The following CEP295 variants were observed in gnomAD, a reference collection of about 807,000 sequenced individuals.
CEP295 encodes the protein centrosomal protein of 295 kDa.
Under a neutral mutation model 291.6 loss-of-function variants are expected in CEP295, and 190 were observed. The ratio of observed to expected loss-of-function variants is 0.65; its 90% CI spans 0.58 to 0.73. CEP295 has a LOEUF of 0.73. CEP295 is among the 30% of genes least tolerant of loss of function. The pLI is 0.00. For missense variants in CEP295, 2,863 were observed against 2,949.4 expected (o/e 0.97, Z 0.68); for synonymous variants, 993 against 1,038.8 (o/e 0.96, Z 0.85).
intron 17 of CEP295, among the ~76,000 whole-genome samples, chr11:93,706,518 A>T (rs1009843702): frequency 2.0e-5 from 3 of 152,184 alleles, no homozygotes; most frequent in Non-Finnish European, 4.4e-5. Context: ...CTTTGTGATT[A>T]GTCAATACTG....
Position 93,697,340 on chromosome 11 carries a change from C to A in CEP295, c.2428C>A (p.Pro810Thr), listed in dbSNP as rs1951893740. ...AGTTGAGTCAGGAAAAATTCAAGAA[C>A]CCTTTTCAGCCATGAGCAAAAGTAC... ...VKVESGKIQE[P>T]FSAMSKSTVS... The change falls in exon 15 of 30, where the codon CCC becomes ACC. Residue 810 changes from proline to threonine, a missense_variant. Around this residue, in one of 3 missense-constraint regions of CEP295, gnomAD observed 2,295 missense variants for 2,335.7 expected, o/e 0.98. Transcript: ENST00000325212. 2 of 1,551,686 alleles carry A rather than the reference C, an allele frequency of 1.3e-6. No homozygotes were observed. The highest frequency in any genetic ancestry group is 1.7e-6 in the Non-Finnish European group (2 of 1,147,024).
At chr11:93,724,663 A>G (rs1335754287) in intron 22 of CEP295, among the ~76,000 whole-genome samples, 1 of 152,130 alleles carries the variant, frequency 6.6e-6, no homozygotes, top group African/African-American at 2.4e-5. Context: ...GCTACTCGGG[A>G]GGCTGAGGTG....
intron 18 of CEP295, chr11:93,719,747 AC>A (rs1953558578): frequency 6.6e-6 from 1 of 152,234 alleles, no homozygotes; most frequent in Non-Finnish European, 1.5e-5. Flanking sequence ...AATAATTGTT[AC>A]ATAAACATTT....
intron 4 of CEP295, among the ~76,000 whole-genome samples, chr11:93,669,168 A>C (rs571627110): frequency 6.6e-6 from 1 of 152,084 alleles, no homozygotes; most frequent in Admixed American, 6.5e-5. Flanking sequence ...AGCAGTTACT[A>C]AGTTTCTGAA....
rs552441392 is a variant in CEP295, at chr11:93,699,231, A to T, written c.4319A>T (p.Asp1440Val). 4.5e-6 allele frequency: 7 copies of T among 1,551,894 alleles called. No homozygotes were observed. In the African/African-American group the frequency reaches 9.6e-5, roughly 21 times the overall value. ...CACTCAGAGATACCAACATTGCCTG[A>T]TGGGCTGTTGGGTTTATCACATCTT... ...SGHSEIPTLPDGLLGLSHLVL... is the reference protein window; with the variant it reads ...SGHSEIPTLPVGLLGLSHLVL... The change falls in exon 15 of 30, where the codon GAT becomes GTT. Residue 1440 changes from aspartate (D) to valine (V), a missense_variant. Around this residue, in one of 3 missense-constraint regions of CEP295, gnomAD observed 2,295 missense variants for 2,335.7 expected, o/e 0.98. Transcript: ENST00000325212.
At chr11:93,679,648 GT>G in intron 7 of CEP295, 96 bp downstream of exon 7, 1 of 1,053,948 alleles carries the variant, frequency 9.5e-7, no homozygotes, top group Non-Finnish European at 1.3e-6. Flanking sequence ...GGTAGGAAGG[GT>G]GGGTGTTCAA....
intron 1 of CEP295, among the ~76,000 whole-genome samples, chr11:93,664,406 A>G (rs915094161): frequency 1.3e-5 from 2 of 152,364 alleles, no homozygotes; most frequent in African/African-American, 4.8e-5. Flanking sequence ...CTTTAACCCA[A>G]GAGGCCTTGT....
At chr11:93,693,509 A>G (rs544503671) in intron 12 of CEP295, among the ~76,000 whole-genome samples, 1 of 152,258 alleles carries the variant, frequency 6.6e-6, no homozygotes, top group Non-Finnish European at 1.5e-5. Flanking sequence ...TCATCCCAGT[A>G]CTTTGGGAGG....
At chr11:93,688,710 C>T (rs758545066) in intron 10 of CEP295, among the ~76,000 whole-genome samples, 5 of 152,140 alleles carry the variant, frequency 3.3e-5, no homozygotes, top group Admixed American at 6.5e-5. Flanking sequence ...TATCAAAACT[C>T]CCTAGTTGAT....
intron 24 of CEP295, 117 bp downstream of exon 24, chr11:93,727,754 C>A: frequency 1.2e-6 from 1 of 822,882 alleles, no homozygotes; most frequent in Non-Finnish European, 1.9e-6. Context: ...ACTCAAACTC[C>A]TAGGATCAAG....
intron 18 of CEP295, 44 bp from the exon 19 acceptor site, chr11:93,721,268 A>G (rs751860888): frequency 1.8e-5 from 20 of 1,089,596 alleles, no homozygotes; most frequent in Non-Finnish European, 2.6e-5. Flanking sequence ...TCTTATCCCA[A>G]CTATATTTTT....
chr11:93,721,521 A>T, intron 19 of CEP295, 109 bp downstream of exon 19: 1 of 824,616 alleles, frequency 1.2e-6, no homozygotes. Flanking sequence ...GTGCTTTCTG[A>T]GATCTGCTTT....
Position 93,699,988 on chromosome 11 carries a change from T to C in CEP295, c.5076T>C (p.Asp1692=). ...PSNPVIPGFQ[D]RLLSFSQSVL... ...ATCCTGTGATCCCAGGGTTTCAAGATAGACTTTTGAGTTTTTCACAGTCTG... is the reference window on the plus strand; with the variant it reads ...ATCCTGTGATCCCAGGGTTTCAAGACAGACTTTTGAGTTTTTCACAGTCTG... The change falls in exon 15 of 30, where the codon GAT becomes GAC. Residue 1692 remains aspartate (D), a synonymous_variant. Coordinates refer to ENST00000325212, the MANE Select transcript of CEP295 (RefSeq NM_033395.2). 3 of 1,551,718 alleles carry C rather than the reference T, an allele frequency of 1.9e-6. No homozygotes were observed. The highest frequency in any genetic ancestry group is 2.4e-5 in the East Asian group (1 of 40,902).
chr11:93,707,070 A>C (rs1207211772), intron 18 of CEP295, among the ~76,000 whole-genome samples, 173 bp downstream of exon 18: 1 of 148,828 alleles, frequency 6.7e-6, no homozygotes, highest in Admixed American at 6.7e-5. Flanking sequence ...TAAATGAGTA[A>C]TTTTGCTTTT....
intron 7 of CEP295, 91 bp downstream of exon 7, chr11:93,679,643 G>A (rs2134917304): frequency 9.1e-7 from 1 of 1,096,216 alleles, no homozygotes; most frequent in East Asian, 2.8e-5. Flanking sequence ...AGAAAGGTAG[G>A]AAGGGTGGGT....
rs1270512413 is a variant in CEP295 at position 93,724,357 on chromosome 11, C to A, written c.6300C>A (p.Asp2100Glu). Residue 2100 changes from aspartate to glutamate, a missense_variant, in exon 22 of 30, where the codon GAC becomes GAA. Physicochemically the swap from Asp to Glu is conservative, Grantham distance 45. This residue lies in a region of CEP295 where 2,295 missense variants were observed against 2,335.7 expected (regional missense o/e 0.98). Transcript: ENST00000325212. ...CATCATCCTCTGGGATTTCTCCAGA[C>A]AACAGAGACTTTTACCAGGTATATT... The part of the protein sequence containing the change: ...LSSSSSGISP[D>E]NRDFYQRSDS... 2.6e-6 allele frequency: 4 copies of A among 1,549,986 alleles called. No individual in the cohort carries two copies. In the South Asian group the frequency reaches 3.6e-5, roughly 14 times the overall value.
Position 93,699,827 on chromosome 11 carries a change from G to C in CEP295, c.4915G>C (p.Glu1639Gln), listed in dbSNP as rs1301127583. 11 of 1,552,154 alleles carry C rather than the reference G, an allele frequency of 7.1e-6. No homozygotes were observed. The Admixed American group carries it at 9.8e-5, about 14-fold the overall frequency. The change falls in exon 15 of 30, where the codon GAG becomes CAG. Residue 1639 changes from glutamate (E) to glutamine (Q), a missense_variant. Glu to Gln is a conservative substitution (Grantham distance 29). Transcript: ENST00000325212. ...AAAGTTGAACAAAAGTGAATCTGCT[G>C]AGCATACTATCCCCTCTTTGTTTCT... ...QRKLNKSESA[E>Q]HTIPSLFLPK...
intron 22 of CEP295, among the ~76,000 whole-genome samples, chr11:93,725,041 G>A (rs1954038453): frequency 6.6e-6 from 1 of 152,044 alleles, no homozygotes. Flanking sequence ...GATTGCTTGA[G>A]GCCAGGAGTT....
chr11:93,725,935 C>T (rs1954100920), intron 23 of CEP295, 104 bp downstream of exon 23: 1 of 842,064 alleles, frequency 1.2e-6, no homozygotes, highest in African/African-American at 1.7e-5. Flanking sequence ...CACCCCTGCT[C>T]TCACCCCTAT....
Sources: gnomAD v4.1 joint callset for allele counts (sites outside exome capture counted in the v4.1 genomes callset) on GRCh38, gnomAD v4.1.1 for gene constraint, gnomAD v4.1.1 regional missense constraint, MANE v1.5 for transcripts, NCBI Gene and HGNC (gene_info 2026-07-23, HGNC 2026-07-21) for gene names.